Variants in CDH22 observed in about 807,000 individuals in gnomAD.
The protein encoded by CDH22 is cadherin 22.
A neutral mutation model predicts 58.4 loss-of-function variants in CDH22; 30 were observed. The ratio of observed to expected loss-of-function variants is 0.51; its 90% confidence interval spans 0.38 to 0.70. The LOEUF is 0.70. CDH22 is among the 30% of genes least tolerant of loss of function. The probability of loss-of-function intolerance (pLI) is 0.00; values close to 1 mark genes in which losing one functional copy is unlikely to be tolerated. For missense variants in CDH22, 1,014 were observed against 1,233.9 expected (o/e 0.82, Z 2.67); for synonymous variants, 513 against 558.2 (o/e 0.92, Z 1.14).
At chr20:46,289,587 A>C (rs1282646526) in intron 1 of CDH22, among the ~76,000 whole-genome samples, 3 of 152,204 alleles carry the variant, frequency 2.0e-5, no homozygotes, top group Admixed American at 2.0e-4. Flanking sequence ...CCGATTCTCC[A>C]CTGCTTTCCT....
chr20:46,192,373 C>T (rs1030256465), intron 8 of CDH22, among the ~76,000 whole-genome samples: 1 of 152,124 alleles, frequency 6.6e-6, no homozygotes, highest in African/African-American at 2.4e-5. Flanking sequence ...GATTGGGTCC[C>T]CTCCATTTCA....
chr20:46,218,947 C>T (rs1487472963), intron 4 of CDH22, among the ~76,000 whole-genome samples: 2 of 152,172 alleles, frequency 1.3e-5, no homozygotes, highest in Non-Finnish European at 2.9e-5. Flanking sequence ...AGTCATGCAC[C>T]AGCAGCCCCA....
chr20:46,217,523 C>T (rs1381791402), intron 4 of CDH22, among the ~76,000 whole-genome samples: 2 of 152,122 alleles, frequency 1.3e-5, no homozygotes, highest in Non-Finnish European at 2.9e-5. Context: ...AACACACACT[C>T]ATATACCTTA....
intron 7 of CDH22, among the ~76,000 whole-genome samples, chr20:46,206,595 C>T (rs1328291093): frequency 6.6e-6 from 1 of 152,076 alleles, no homozygotes; most frequent in Non-Finnish European, 1.5e-5. Flanking sequence ...TGCTTTTCCT[C>T]ACATTTTTGC....
chr20:46,210,286 G>C lies in CDH22; in HGVS notation c.1286+21C>G, dbSNP rs763126816. On this transcript the variant is annotated intron_variant, in intron 7 of 11. Transcript: ENST00000537909. This position sits in a 1 kb window ranked among gnomAD's most constrained non-coding sequence, Gnocchi z 4.5. Reference sequence around the variant, plus strand: ...GGCGGGATAGCAGGCAGCAGGCGTCGGCCCCGGGCGGGGGTCTCACCGGAC... The same window carrying C: ...GGCGGGATAGCAGGCAGCAGGCGTCCGCCCCGGGCGGGGGTCTCACCGGAC... 3.6e-6 allele frequency: 5 copies of C among 1,384,462 alleles called. No homozygotes were observed. Among genetic ancestry groups the C allele is most frequent in the Non-Finnish European group, 9.3e-7 (1 of 1,075,512 alleles). 85.8% of individuals were successfully genotyped at this position (1,384,462 alleles called of 1,614,324 possible).
In CDH22 at chr20:46,175,041, T is replaced by C; in HGVS notation, c.1952A>G (p.His651Arg). Residue 651 changes from histidine (H) to arginine (R), a missense_variant, in exon 12 of 12, where the codon CAC (histidine) becomes CGC (arginine). Physicochemically the swap from His to Arg is conservative, Grantham distance 29. This residue lies in a region of CDH22 where 806 missense variants were observed against 1,038.7 expected (regional missense o/e 0.78). Transcript: ENST00000537909. ...VLLILTLRRH[H>R]KSHLSSDEDE... ...CTCGTCCGAGCTCAGGTGGCTCTTGTGGTGGCGCCTGAGGGTGAGGATCAG... is the reference window on the plus strand; with the variant it reads ...CTCGTCCGAGCTCAGGTGGCTCTTGCGGTGGCGCCTGAGGGTGAGGATCAG... 1 of 1,609,678 alleles carries C rather than the reference T, an allele frequency of 6.2e-7. No individual in the cohort carries two copies. The highest frequency in any genetic ancestry group is 8.5e-7 in the Non-Finnish European group (1 of 1,179,326).
chr20:46,224,858 C>T (rs1005350039), intron 4 of CDH22, among the ~76,000 whole-genome samples: 7 of 152,206 alleles, frequency 4.6e-5, no homozygotes, highest in African/African-American at 1.7e-4. Flanking sequence ...TCCCTGGCCT[C>T]CTAGCTAGAC....
rs1428386571 is a variant in CDH22 at position 46,213,130 on chromosome 20, C to T, written c.897G>A (p.Val299=). 1.2e-6 allele frequency: 2 copies of T among 1,614,194 alleles called. No homozygotes were observed. The highest frequency in any genetic ancestry group is 4.5e-5 in the East Asian group (2 of 44,884). ...CTCCCACGTCTGAGTCCTCAGCCTT[C>T]ACACGTCCCACAGCCGTTCCAATGG... ...SAPIGTAVGR[V]KAEDSDVGEN... is the part of the protein sequence containing the mutation. Residue 299 remains valine (V), a synonymous_variant, in exon 6 of 12, where the codon GTG becomes GTA. Transcript: ENST00000537909.
At chr20:46,200,604 G>T (rs948536324) in intron 7 of CDH22, among the ~76,000 whole-genome samples, 7 of 152,140 alleles carry the variant, frequency 4.6e-5, no homozygotes, top group Non-Finnish European at 8.8e-5. Context: ...TCCCTAAGAG[G>T]TGCCCCTGGA....
intron 1 of CDH22, among the ~76,000 whole-genome samples, chr20:46,262,132 G>C (rs2086435834): frequency 6.6e-6 from 1 of 152,016 alleles, no homozygotes; most frequent in African/African-American, 2.4e-5. Flanking sequence ...GAGCCCAAGG[G>C]CTGTTTCTGG....
intron 10 of CDH22, among the ~76,000 whole-genome samples, chr20:46,185,162 CAA>C (rs1288935967): frequency 2.9e-5 from 4 of 139,560 alleles, no homozygotes; most frequent in African/African-American, 8.0e-5. Context: ...CACACACACA[CAA>C]ACAACAACAA....
intron 1 of CDH22, among the ~76,000 whole-genome samples, chr20:46,299,739 G>A (rs1224113801): frequency 2.0e-5 from 3 of 152,270 alleles, no homozygotes; most frequent in Non-Finnish European, 2.9e-5. Context: ...AATTCATTTC[G>A]CCTTCTCAAT....
chr20:46,207,375 C>T (rs944843105), intron 7 of CDH22, among the ~76,000 whole-genome samples: 15 of 152,100 alleles, frequency 9.9e-5, no homozygotes, highest in African/African-American at 2.9e-4. Context: ...GCCAAGGACT[C>T]GCCTCCCGCT....
At chr20:46,281,953 C>T (rs1454320347) in intron 1 of CDH22, among the ~76,000 whole-genome samples, 1 of 152,212 alleles carries the variant, frequency 6.6e-6, no homozygotes, top group Non-Finnish European at 1.5e-5. Context: ...TTACAGATGA[C>T]AGAATGCAGA....
intron 11 of CDH22, among the ~76,000 whole-genome samples, chr20:46,177,454 A>AG (rs1004791100): frequency 3.9e-5 from 6 of 152,152 alleles, no homozygotes; most frequent in Admixed American, 2.6e-4. Context: ...GATTCATAGC[A>AG]GGTGGTGTAG....
Position 46,178,023 on chromosome 20 carries a change from G to A in CDH22, c.1838C>T (p.Thr613Ile). 2 of 1,614,138 alleles carry A rather than the reference G, an allele frequency of 1.2e-6. No homozygotes were observed. The highest frequency in any genetic ancestry group is 1.7e-6 in the Non-Finnish European group (2 of 1,180,020). ...GGAGGCGGCCATGACAAAGGCCGTG[G>A]TGTTGCAGGACTGGATGGTGCCGGA... Reference protein sequence around the residue: ...DSSGTIQSCNTTAFVMAASLS... With the variant: ...DSSGTIQSCNITAFVMAASLS... The change falls in exon 11 of 12, where the codon ACC becomes ATC. Residue 613 changes from threonine to isoleucine, a missense_variant. Physicochemically the swap from Thr to Ile is moderately conservative, Grantham distance 89 (BLOSUM62 -1). Coordinates refer to ENST00000537909, the MANE Select transcript of CDH22 (RefSeq NM_021248.3).
At chr20:46,297,120 G>A (rs944802040) in intron 1 of CDH22, among the ~76,000 whole-genome samples, 9 of 152,174 alleles carry the variant, frequency 5.9e-5, no homozygotes, top group South Asian at 2.1e-4. Context: ...ATTGTGCCCC[G>A]CGGACATCAA....
At chr20:46,238,449 A>C (rs558343125) in intron 3 of CDH22, among the ~76,000 whole-genome samples, 2 of 152,242 alleles carry the variant, frequency 1.3e-5, no homozygotes, top group East Asian at 1.9e-4. Flanking sequence ...ATCCAAATTT[A>C]TCTCTCCAGC....
intron 1 of CDH22, among the ~76,000 whole-genome samples, chr20:46,298,338 T>C (rs188722160): frequency 1.2e-3 from 180 of 152,348 alleles, no homozygotes; most frequent in Non-Finnish European, 1.9e-3. Context: ...TCATTATCTT[T>C]AGTATCAGGT....
Sources: allele counts gnomAD v4.1 joint callset (sites outside exome capture counted in the v4.1 genomes callset), GRCh38; gene constraint gnomAD v4.1.1; regional missense constraint gnomAD v4.1.1; non-coding constraint Gnocchi (gnomAD v3.1); transcripts MANE v1.5; gene names NCBI Gene and HGNC (gene_info 2026-07-23, HGNC 2026-07-21).